Variants in FSTL5 observed in about 807,000 individuals in gnomAD.
The protein encoded by FSTL5 is follistatin-related protein 5.
A neutral mutation model predicts 89.1 loss-of-function variants in FSTL5; 62 were observed. The ratio of observed to expected loss-of-function variants is 0.70; its 90% CI spans 0.57 to 0.86. The LOEUF is 0.86. Ranked by LOEUF, FSTL5 falls within the 40% of genes least tolerant of loss-of-function variation. The probability of loss-of-function intolerance (pLI) is 0.00; values close to 1 mark genes in which losing one functional copy is unlikely to be tolerated. For missense variants in FSTL5, 1,057 were observed against 1,001.6 expected (o/e 1.06, Z -0.75); for synonymous variants, 383 against 346.2 (o/e 1.11, Z -1.18).
intron 10 of FSTL5, among the ~76,000 whole-genome samples, chr4:161,510,814 T>A (rs1319504771): frequency 1.3e-5 from 2 of 151,498 alleles, no homozygotes; most frequent in Non-Finnish European, 3.0e-5. Flanking sequence ...AGTTACACTC[T>A]TAAATTTTGC....
At chr4:161,712,946 G>T (rs990057690) in intron 6 of FSTL5, among the ~76,000 whole-genome samples, 3 of 152,082 alleles carry the variant, frequency 2.0e-5, no homozygotes, top group Non-Finnish European at 1.5e-5. Context: ...GCAGATGCTG[G>T]TGTCACGCTT....
At chr4:162,083,545 G>T (rs1561009533) in intron 2 of FSTL5, among the ~76,000 whole-genome samples, 1 of 151,378 alleles carries the variant, frequency 6.6e-6, no homozygotes, top group East Asian at 1.9e-4. Flanking sequence ...AAATAATTTA[G>T]AAAAAAATCA....
chr4:161,959,849 G>T (rs1034365695), intron 3 of FSTL5, among the ~76,000 whole-genome samples: 2 of 152,038 alleles, frequency 1.3e-5, no homozygotes, highest in South Asian at 4.1e-4. Context: ...GTGGTGTCTT[G>T]GTTGTCTAGA....
intron 7 of FSTL5, among the ~76,000 whole-genome samples, chr4:161,610,167 A>G (rs1447154216): frequency 6.6e-6 from 1 of 152,154 alleles, no homozygotes; most frequent in East Asian, 1.9e-4. Context: ...AGTAAAAAAA[A>G]AAGGATAACA....
At chr4:162,050,155 A>G (rs1738332592) in intron 2 of FSTL5, among the ~76,000 whole-genome samples, 1 of 151,878 alleles carries the variant, frequency 6.6e-6, no homozygotes, top group South Asian at 2.1e-4. Flanking sequence ...ATTTTCCGCA[A>G]GTGAATACAC....
chr4:161,858,477 A>T (rs1731797347), intron 4 of FSTL5, among the ~76,000 whole-genome samples: 1 of 152,190 alleles, frequency 6.6e-6, no homozygotes. Flanking sequence ...AAAAGCAGGC[A>T]TGATTTCTCC....
At chr4:161,902,714 T>G (rs1485916069) in intron 4 of FSTL5, among the ~76,000 whole-genome samples, 1 of 151,994 alleles carries the variant, frequency 6.6e-6, no homozygotes, top group Middle Eastern at 3.4e-3. Context: ...CCAGGCGTGA[T>G]GGTGGGCGCC....
chr4:161,823,581 G>T (rs1343102028), intron 4 of FSTL5, among the ~76,000 whole-genome samples: 1 of 152,202 alleles, frequency 6.6e-6, no homozygotes, highest in African/African-American at 2.4e-5. Flanking sequence ...AAGGGGCTTT[G>T]CAGGCCTGCA....
At chr4:161,656,593 A>T in intron 6 of FSTL5, 99 bp from the exon 7 acceptor site, 1 of 627,762 alleles carries the variant, frequency 1.6e-6, no homozygotes, top group Non-Finnish European at 2.4e-6. Context: ...TTTTAATTTG[A>T]ATAAAAGGGA....
chr4:161,968,971 A>G (rs7698835), intron 3 of FSTL5, among the ~76,000 whole-genome samples: 1,107 of 57,098 alleles, frequency 0.019, 23 homozygotes, highest in African/African-American at 0.037. Flanking sequence ...TCACATAAGC[A>G]CACACACACA....
At chr4:161,502,944 A>T (rs1276784612) in intron 11 of FSTL5, among the ~76,000 whole-genome samples, 1 of 151,706 alleles carries the variant, frequency 6.6e-6, no homozygotes, top group Non-Finnish European at 1.5e-5. Context: ...ATTTGTATAG[A>T]TTTTTACTAA....
intron 3 of FSTL5, among the ~76,000 whole-genome samples, chr4:161,924,374 T>C (rs933834667): frequency 2.0e-5 from 3 of 150,746 alleles, no homozygotes; most frequent in Non-Finnish European, 4.4e-5. Flanking sequence ...TATTTATATT[T>C]ATATTCTTGT....
At chr4:161,650,213 CATG>C (rs1364172305) in intron 7 of FSTL5, among the ~76,000 whole-genome samples, 1 of 152,144 alleles carries the variant, frequency 6.6e-6, no homozygotes, top group Admixed American at 6.5e-5. Context: ...ATAAAATTCA[CATG>C]ATATCTTCAC....
chr4:161,505,394 A>G (rs191002571), intron 11 of FSTL5, among the ~76,000 whole-genome samples: 1 of 152,192 alleles, frequency 6.6e-6, no homozygotes, highest in South Asian at 2.1e-4. Flanking sequence ...TTCTTGCTAG[A>G]AAGTTTTTTA....
At chr4:161,522,023 A>T (rs1303616023) in intron 10 of FSTL5, among the ~76,000 whole-genome samples, 1 of 152,020 alleles carries the variant, frequency 6.6e-6, no homozygotes, top group African/African-American at 2.4e-5. Flanking sequence ...TATGACAAAT[A>T]TGCCTGTTCT....
At chr4:161,727,321 A>G (rs970938764) in intron 6 of FSTL5, among the ~76,000 whole-genome samples, 1 of 152,180 alleles carries the variant, frequency 6.6e-6, no homozygotes, top group Admixed American at 6.5e-5. Flanking sequence ...AATTGTTGTT[A>G]GTCCTTCACA....
intron 2 of FSTL5, among the ~76,000 whole-genome samples, chr4:162,039,986 C>T (rs528147414): frequency 6.6e-6 from 1 of 151,972 alleles, no homozygotes; most frequent in Non-Finnish European, 1.5e-5. Flanking sequence ...TCAATAGATC[C>T]TAACACTGAA....
At chr4:161,914,056 T>C (rs571655998) in intron 4 of FSTL5, among the ~76,000 whole-genome samples, 2 of 152,254 alleles carry the variant, frequency 1.3e-5, no homozygotes, top group South Asian at 4.1e-4. Flanking sequence ...GGTGGAATGA[T>C]ATGGTTTAGC....
At chr4:161,693,040 G>A (rs532308259) in intron 6 of FSTL5, among the ~76,000 whole-genome samples, 3 of 152,128 alleles carry the variant, frequency 2.0e-5, no homozygotes, top group African/African-American at 7.2e-5. Context: ...CTTAATATTA[G>A]ACATCTGGCC....
Sources: gnomAD v4.1 joint callset for allele counts (sites outside exome capture counted in the v4.1 genomes callset) on GRCh38, gnomAD v4.1.1 for gene constraint, MANE v1.5 for transcripts, NCBI Gene and HGNC (gene_info 2026-07-23, HGNC 2026-07-21) for gene names.